Variants in HTT observed in about 807,000 individuals in gnomAD.
HTT encodes the protein huntington disease protein.
Under a neutral mutation model 362.3 loss-of-function variants are expected in HTT, and 104 were observed. That is an observed-to-expected ratio of 0.29 (90% CI 0.24 to 0.34). The LOEUF is 0.34. Among genes scored for constraint, HTT ranks in the 10% least tolerant of loss-of-function variants. The pLI, the probability that HTT is intolerant of heterozygous loss-of-function variation, is 1.00. For synonymous variants in HTT, 1,577 were observed against 1,548.7 expected (o/e 1.02, Z -0.43); for missense variants, 3,301 against 3,928.6 (o/e 0.84, Z 4.27).
chr4:3,153,318 T>G (rs979813959), intron 26 of HTT, among the ~76,000 whole-genome samples: 4 of 151,990 alleles, frequency 2.6e-5, no homozygotes, highest in African/African-American at 9.7e-5. Context: ...GTGTATAAAT[T>G]TGGGGGACTA....
intron 60 of HTT, among the ~76,000 whole-genome samples, chr4:3,232,872 C>T (rs888860471): frequency 1.3e-5 from 2 of 152,244 alleles, no homozygotes; most frequent in African/African-American, 4.8e-5. Context: ...CTGCCTGCCT[C>T]GTGCCCAGAC....
intron 28 of HTT, among the ~76,000 whole-genome samples, chr4:3,159,151 G>T (rs1293575555): frequency 6.6e-6 from 1 of 152,136 alleles, no homozygotes; most frequent in African/African-American, 2.4e-5. Context: ...CCCATTTCTT[G>T]TGTGGCCCTT....
chr4:3,148,246 A>G, intron 26 of HTT, 39 bp downstream of exon 26: 1 of 1,435,200 alleles, frequency 7.0e-7, no homozygotes, highest in Non-Finnish European at 9.5e-7. Context: ...TACAGCCTTA[A>G]TGACTATGGG....
intron 29 of HTT, among the ~76,000 whole-genome samples, chr4:3,164,448 G>C (rs1379174894): frequency 2.0e-5 from 3 of 152,176 alleles, no homozygotes; most frequent in African/African-American, 7.2e-5. Context: ...AGGTCCGCTT[G>C]GTCCAGTGCT....
In HTT at chr4:3,174,761, A is replaced by G; in HGVS notation, c.4207A>G (p.Thr1403Ala). ...CCAGAAAGTGTCTACCCAGTTGAAG[A>G]CAAACCTCACGAGTGTCACAAAGAA... ...VLQKVSTQLK[T>A]NLTSVTKNRA... is the part of the protein sequence containing the mutation. Residue 1403 changes from threonine to alanine, a missense_variant, in exon 32 of 67, where the codon ACA becomes GCA. Physicochemically the swap from Thr to Ala is moderately conservative, Grantham distance 58. Coordinates refer to ENST00000355072, the MANE Select transcript of HTT (RefSeq NM_001388492.1). The G allele has an allele frequency of 6.2e-7, 1 of 1,614,186 alleles. No individual in the cohort carries two copies. The highest frequency in any genetic ancestry group is 1.1e-5 in the South Asian group (1 of 91,078).
intron 41 of HTT, among the ~76,000 whole-genome samples, chr4:3,201,640 A>T (rs977446289): frequency 1.3e-5 from 2 of 152,140 alleles, no homozygotes; most frequent in East Asian, 3.8e-4. Context: ...AATTAAGATA[A>T]TATGTAACAA....
At chr4:3,119,310 T>G (rs370105299) in intron 8 of HTT, among the ~76,000 whole-genome samples, 1 of 152,184 alleles carries the variant, frequency 6.6e-6, no homozygotes, top group Non-Finnish European at 1.5e-5. Context: ...GCAAGATTTA[T>G]AAAGGAAATT....
chr4:3,215,496 C>CTTTCGTAGTCTATTTTGTGTCAA (rs1720356032), intron 51 of HTT, among the ~76,000 whole-genome samples: 1 of 152,196 alleles, frequency 6.6e-6, no homozygotes, highest in Non-Finnish European at 1.5e-5. Flanking sequence ...ACTTCCCACA[C>CTTTCGTAGTCTATTTTGTGTCAA]TCTGCAGTTA....
intron 45 of HTT, among the ~76,000 whole-genome samples, chr4:3,207,986 AAGG>A (rs1719951771): frequency 6.6e-6 from 1 of 152,126 alleles, no homozygotes; most frequent in African/African-American, 2.4e-5. Flanking sequence ...GACAGCAGAG[AAGG>A]AGAATATAAT....
chr4:3,195,452 G>A (rs1008499038), intron 40 of HTT, among the ~76,000 whole-genome samples: 1 of 151,774 alleles, frequency 6.6e-6, no homozygotes, highest in Non-Finnish European at 1.5e-5. Context: ...CGTGGTCTCC[G>A]GGCACTTGGT....
chr4:3,180,697 C>T (rs375320362), intron 36 of HTT, 46 bp downstream of exon 36: 48 of 1,524,998 alleles, frequency 3.1e-5, no homozygotes, highest in Middle Eastern at 1.8e-4. Flanking sequence ...TTTATTGACC[C>T]GTGCAGATGG....
chr4:3,228,874 C>A lies in HTT; in HGVS notation c.7980-6C>A. ...TTGGAAAATACCCATCTCGCATATTCCACAGGAAACACCGGGCTGGAGTTG... is the reference window on the plus strand; with the variant it reads ...TTGGAAAATACCCATCTCGCATATTACACAGGAAACACCGGGCTGGAGTTG... On this transcript the variant is annotated splice_polypyrimidine_tract_variant and splice_region_variant and intron_variant, in intron 58 of 66. Transcript: ENST00000355072. The surrounding 1 kb of genome is among the most constrained non-coding windows in gnomAD (Gnocchi z 4.3). 6.2e-7 allele frequency: 1 copy of A among 1,611,828 alleles called. No homozygotes were observed. Among genetic ancestry groups the A allele is most frequent in the Non-Finnish European group, 8.5e-7 (1 of 1,178,132 alleles).
chr4:3,200,661 T>A (rs363090), intron 41 of HTT, among the ~76,000 whole-genome samples: 27,299 of 152,146 alleles, frequency 0.18, 3,554 homozygotes, highest in African/African-American at 0.37. Flanking sequence ...ATACTGGACC[T>A]TGTGCTGCCA....
At position 3,096,429 on chromosome 4, in the gene HTT, T is replaced by C. The variant is rs147936409; in HGVS notation, c.348-2845T>C. 1.9e-3 allele frequency among the ~76,000 whole-genome samples: 283 copies of C among 152,342 alleles called. 1 individual carries two copies. Among genetic ancestry groups the C allele is most frequent in the Middle Eastern group, 6.8e-3 (2 of 294 alleles). On this transcript the variant is annotated intron_variant, in intron 2 of 66. Coordinates refer to ENST00000355072, the MANE Select transcript of HTT (RefSeq NM_001388492.1). ...CCAGCAGAAGAGACACTCTCTCAAG[T>C]GCTCACAGAATGTTTGCCAAGATAG... is the stretch of plus-strand genomic sequence containing the variant.
chr4:3,144,986 C>G (rs1479566222), intron 23 of HTT, among the ~76,000 whole-genome samples, 166 bp from the exon 24 acceptor site: 1 of 152,150 alleles, frequency 6.6e-6, no homozygotes, highest in Non-Finnish European at 1.5e-5. Flanking sequence ...TTTGAGGTGT[C>G]TAAAGTAGGA....
chr4:3,218,054 C>T lies in HTT; in HGVS notation c.7242+102C>T. On this transcript the variant is annotated intron_variant, in intron 52 of 66. Transcript: ENST00000355072. This position sits in a 1 kb window ranked among gnomAD's most constrained non-coding sequence, Gnocchi z 4.4. ...AGGGCGGGACAGAATCCCCGCAGCC[C>T]AGAGGCTGCCTGCTGTGGTTCTGGT... 8.0e-6 allele frequency: 8 copies of T among 994,960 alleles called. 1 individual carries two copies. In the South Asian group the frequency reaches 1.2e-4, roughly 15 times the overall value. The allele number at this position is 994,960 out of a possible 1,614,324, so 61.6% of individuals were successfully genotyped here.
intron 1 of HTT, 123 bp from the exon 2 acceptor site, chr4:3,086,816 A>G (rs1415319300): frequency 8.8e-6 from 5 of 567,540 alleles, no homozygotes; most frequent in African/African-American, 7.5e-5. Context: ...TGCCCGCAAC[A>G]TGGAGTATAA....
chr4:3,126,655 C>T (rs537287950), intron 11 of HTT, among the ~76,000 whole-genome samples: 2 of 152,326 alleles, frequency 1.3e-5, no homozygotes, highest in South Asian at 4.1e-4. Context: ...ACCGACCCAA[C>T]TGCCCCAGGA....
At chr4:3,132,504 C>A in intron 16 of HTT, 58 bp from the exon 17 acceptor site, 1 of 1,440,546 alleles carries the variant, frequency 6.9e-7, no homozygotes, top group Non-Finnish European at 9.6e-7. Context: ...GCTTTTGTTT[C>A]GAGTTAGAAA....
Sources: gnomAD v4.1 joint callset for allele counts (sites outside exome capture counted in the v4.1 genomes callset) on GRCh38, gnomAD v4.1.1 for gene constraint, Gnocchi (gnomAD v3.1) non-coding constraint, MANE v1.5 for transcripts, NCBI Gene and HGNC (gene_info 2026-07-23, HGNC 2026-07-21) for gene names.